ABCC10: variants seen among roughly 807,000 people sequenced by gnomAD.
ABCC10 encodes the protein ATP-binding cassette sub-family C member 10.
Under a neutral mutation model 143.2 loss-of-function variants are expected in ABCC10, and 110 were observed. That is an observed-to-expected ratio of 0.77 (90% confidence interval 0.66 to 0.90). The LOEUF is 0.90. Among genes scored for constraint, ABCC10 ranks in the 40% least tolerant of loss-of-function variants. The pLI, the probability that ABCC10 is intolerant of heterozygous loss-of-function variation, is 0.00. For synonymous variants in ABCC10, 805 were observed against 846.7 expected (o/e 0.95, Z 0.85); for missense variants, 1,700 against 1,900.5 (o/e 0.89, Z 1.96).
chr6:43,441,261 A>AG (rs199659497), intron 8 of ABCC10, among the ~76,000 whole-genome samples: 3,217 of 152,256 alleles, frequency 0.021, 103 homozygotes, highest in African/African-American at 0.073. Flanking sequence ...GTGGATCACA[A>AG]GGTCAGGAGA....
intron 18 of ABCC10, 152 bp from the exon 19 acceptor site, chr6:43,448,729 T>G: frequency 2.2e-6 from 2 of 922,598 alleles, no homozygotes; most frequent in Non-Finnish European, 3.2e-6. Context: ...TAACAGATCA[T>G]TTGGTGGGGA....
intron 17 of ABCC10, 84 bp downstream of exon 17, chr6:43,447,492 C>T: frequency 1.9e-6 from 3 of 1,561,446 alleles, no homozygotes; most frequent in Non-Finnish European, 1.7e-6. Context: ...TTTTTGCCCA[C>T]CCATCTTTCT....
Position 43,433,219 on chromosome 6 carries a change from C to T in ABCC10, c.1239C>T (p.Tyr413=), listed in dbSNP as rs1458987213. The T allele has an allele frequency of 1.2e-6, 2 of 1,614,216 alleles. No homozygotes were observed. The highest frequency in any genetic ancestry group is 1.1e-5 in the South Asian group (1 of 91,086). Residue 413 remains tyrosine, a synonymous_variant, in exon 3 of 22, where the codon TAC becomes TAT. Coordinates refer to ENST00000372530, the MANE Select transcript of ABCC10 (RefSeq NM_001198934.2). ...CCCTGCAACTGGCCATCACCCTCTACCTGCTGTACCAGCAGGTAGGCGTGG... is the reference window on the plus strand; with the variant it reads ...CCCTGCAACTGGCCATCACCCTCTATCTGCTGTACCAGCAGGTAGGCGTGG... ...GLPLQLAITL[Y]LLYQQVGVAF...
Position 43,428,101 on chromosome 6 carries a change from C to A in ABCC10, c.123C>A (p.Leu41=). The change falls in exon 2 of 22, where the codon CTC becomes CTA. Residue 41 remains leucine (L), a synonymous_variant. Coordinates refer to ENST00000372530, the MANE Select transcript of ABCC10 (RefSeq NM_001198934.2). ...QLVLSALPHA[L]LAVLSACYLG... ...TGCTCAGCGCCCTGCCCCACGCGCT[C>A]CTCGCCGTGCTCAGTGCCTGTTACT... 6.4e-7 allele frequency: 1 copy of A among 1,552,170 alleles called. No individual in the cohort carries two copies. Among genetic ancestry groups the A allele is most frequent in the Non-Finnish European group, 8.7e-7 (1 of 1,150,162 alleles).
At chr6:43,441,576 T>C (rs1333633074) in intron 8 of ABCC10, among the ~76,000 whole-genome samples, 1 of 152,214 alleles carries the variant, frequency 6.6e-6, no homozygotes, top group Non-Finnish European at 1.5e-5. Context: ...TTAATCTGTC[T>C]GAGCTTTGGT....
intron 18 of ABCC10, 131 bp downstream of exon 18, chr6:43,448,068 A>G (rs1783313287): frequency 7.8e-6 from 11 of 1,402,560 alleles, no homozygotes; most frequent in Non-Finnish European, 9.8e-6. Context: ...AATGGAGGAC[A>G]GGATGAGCAG....
Position 43,447,268 on chromosome 6 carries a change from T to C in ABCC10, c.3565T>C (p.Ser1189Pro). 1 of 1,613,552 alleles carries C rather than the reference T, an allele frequency of 6.2e-7. No individual in the cohort carries two copies. Among genetic ancestry groups the C allele is most frequent in the Non-Finnish European group, 8.5e-7 (1 of 1,179,924 alleles). Reference sequence around the variant, plus strand: ...CCCAGGGCTGGTGGGCTTGTCGCTGTCTTATGCCCTGTCCCTGACGGGCCT... The same window carrying C: ...CCCAGGGCTGGTGGGCTTGTCGCTGCCTTATGCCCTGTCCCTGACGGGCCT... ...ANPGLVGLSL[S>P]YALSLTGLLS... Residue 1189 changes from serine (S) to proline (P), a missense_variant, in exon 17 of 22, where the codon TCT becomes CCT. By Grantham distance (74) the Ser-to-Pro change is moderately conservative (BLOSUM62 -1). Transcript: ENST00000372530.
intron 4 of ABCC10, chr6:43,435,116 G>T: frequency 2.4e-6 from 1 of 415,392 alleles, no homozygotes; most frequent in East Asian, 3.9e-5. Context: ...CTTCATCCTC[G>T]TTCTAATGGC....
chr6:43,451,973 C>T, downstream of ABCC10: 2 of 1,614,218 alleles, frequency 1.2e-6, no homozygotes, highest in Non-Finnish European at 1.7e-6. The surrounding 1 kb of genome is among the most constrained non-coding windows in gnomAD (Gnocchi z 4.4). Context: ...CTTGCGCTCG[C>T]AGTCACGCCC....
intron 4 of ABCC10, chr6:43,435,090 G>A (rs1232234842): frequency 1.9e-6 from 1 of 516,330 alleles, no homozygotes; most frequent in Non-Finnish European, 3.5e-6. Flanking sequence ...TCAGTTCCAG[G>A]CTTGGGGTTA....
rs765842062 is a variant in ABCC10, at chr6:43,432,950, C to G, written c.970C>G (p.Leu324Val). 6.2e-7 allele frequency: 1 copy of G among 1,614,178 alleles called. No homozygotes were observed. Among genetic ancestry groups the G allele is most frequent in the East Asian group, 2.2e-5 (1 of 44,888 alleles). Reference protein sequence around the residue: ...EEGQEPLSHGLLYALGLAGGA... With the variant: ...EEGQEPLSHGVLYALGLAGGA... ...GGGGCAGGAGCCACTAAGCCACGGC[C>G]TGCTCTATGCTCTGGGGCTAGCCGG... is the stretch of plus-strand genomic sequence containing the variant. Residue 324 changes from leucine (L) to valine (V), a missense_variant, in exon 3 of 22, where the codon CTG (leucine) becomes GTG (valine). Transcript: ENST00000372530.
intron 4 of ABCC10, 30 bp from the exon 5 acceptor site, chr6:43,435,718 CCTG>C (rs1053911321): frequency 1.8e-5 from 29 of 1,609,348 alleles, no homozygotes; most frequent in Non-Finnish European, 4.2e-6. Context: ...TTAGATAACT[CCTG>C]GGGCTTCACC....
chr6:43,443,294 G>C lies in ABCC10; in HGVS notation c.2416+135G>C, dbSNP rs1562192494. ...GCTGCCTCCCGCCTTCACAGAACTG[G>C]TGTGAGGAACTGGGAGAACAGGAGG... On this transcript the variant is annotated intron_variant, in intron 10 of 21. Coordinates refer to ENST00000372530, the MANE Select transcript of ABCC10 (RefSeq NM_001198934.2). This position sits in a 1 kb window ranked among gnomAD's most constrained non-coding sequence, Gnocchi z 4.2. 3 of 926,248 alleles carry C rather than the reference G, an allele frequency of 3.2e-6. No individual in the cohort carries two copies. The East Asian group carries it at 8.5e-5, about 26-fold the overall frequency. The allele number at this position is 926,248 out of a possible 1,614,324, so 57.4% of individuals were successfully genotyped here.
At chr6:43,444,660 G>A (rs967626718) in intron 12 of ABCC10, 128 bp from the exon 13 acceptor site, 77 of 1,341,596 alleles carry the variant, frequency 5.7e-5, no homozygotes, top group Non-Finnish European at 7.4e-5. Flanking sequence ...GTGGCAGGGT[G>A]GGGAGGCCAG....
Position 43,438,443 on chromosome 6 carries a change from C to T in ABCC10, c.1956-181C>T, listed in dbSNP as rs766951096. 975 of 1,430,620 alleles carry T rather than the reference C, an allele frequency of 6.8e-4. 1 individual carries two copies. Among genetic ancestry groups the T allele is most frequent in the Non-Finnish European group, 8.3e-4 (910 of 1,097,868 alleles). 88.6% of individuals were successfully genotyped at this position (1,430,620 alleles called of 1,614,324 possible). A position where few individuals can be genotyped will look rare whatever the true frequency, so the allele number is the denominator to read the frequency against. ...CCAAAGAGCTATTTCTTCCCTTCTT[C>T]GCCCAGAATGGGCTTCATTAGGACC... is the stretch of plus-strand genomic sequence containing the variant. On this transcript the variant is annotated intron_variant, in intron 7 of 21. Transcript: ENST00000372530.
Position 43,432,999 on chromosome 6 carries a change from T to C in ABCC10, c.1019T>C (p.Leu340Pro). Reference protein sequence around the residue: ...LAGGAVLGAVLQNQYGYEVYK... With the variant: ...LAGGAVLGAVPQNQYGYEVYK... ...GGTGGGGCTGTGCTGGGTGCTGTGC[T>C]GCAGAATCAGTATGGGTATGAGGTA... Residue 340 changes from leucine (L) to proline (P), a missense_variant, in exon 3 of 22, where the codon CTG (leucine) becomes CCG (proline). By Grantham distance (98) the Leu-to-Pro change is moderately conservative. Coordinates refer to ENST00000372530, the MANE Select transcript of ABCC10 (RefSeq NM_001198934.2). The C allele has an allele frequency of 6.2e-7, 1 of 1,614,176 alleles. No homozygotes were observed. The highest frequency in any genetic ancestry group is 8.5e-7 in the Non-Finnish European group (1 of 1,180,018).
At chr6:43,431,340 G>GT (rs140091738) in intron 2 of ABCC10, among the ~76,000 whole-genome samples, 5,094 of 152,196 alleles carry the variant, frequency 0.033, 281 homozygotes, top group African/African-American at 0.12. Flanking sequence ...CCCTTTATCA[G>GT]TTATCTGCAT....
intron 2 of ABCC10, among the ~76,000 whole-genome samples, chr6:43,429,645 C>CT (rs1331783382): frequency 6.6e-6 from 1 of 152,164 alleles, no homozygotes; most frequent in Non-Finnish European, 1.5e-5. Flanking sequence ...TGGCTCAAGC[C>CT]TGTAATGCCA....
Position 43,443,630 on chromosome 6 carries a change from T to C in ABCC10, c.2417-303T>C, listed in dbSNP as rs1443849439. Reference sequence around the variant, plus strand: ...GCTCTGCAGTAATGAGAAGTAACCCTGGACAGAGTGGCAGGCATAGCTCTG... The same window carrying C: ...GCTCTGCAGTAATGAGAAGTAACCCCGGACAGAGTGGCAGGCATAGCTCTG... On this transcript the variant is annotated intron_variant, in intron 10 of 21. Coordinates refer to ENST00000372530, the MANE Select transcript of ABCC10 (RefSeq NM_001198934.2). This position sits in a 1 kb window ranked among gnomAD's most constrained non-coding sequence, Gnocchi z 4.2. The C allele has an allele frequency of 2.0e-5, 8 of 398,198 alleles. No individual in the cohort carries two copies. The highest frequency in any genetic ancestry group is 2.3e-5 in the Non-Finnish European group (5 of 216,356). 24.7% of individuals were successfully genotyped at this position (398,198 alleles called of 1,614,324 possible).
Sources: gnomAD v4.1 joint callset for allele counts (sites outside exome capture counted in the v4.1 genomes callset) on GRCh38, gnomAD v4.1.1 for gene constraint, Gnocchi (gnomAD v3.1) non-coding constraint, MANE v1.5 for transcripts, NCBI Gene and HGNC (gene_info 2026-07-23, HGNC 2026-07-21) for gene names.